Variants in CLVS1 observed in about 807,000 individuals in gnomAD.
CLVS1 encodes the protein clavesin-1.
CLVS1 carries 10 observed loss-of-function variants against 33.1 expected under a neutral mutation model. The ratio of observed to expected loss-of-function variants is 0.30; its 90% confidence interval spans 0.19 to 0.51. CLVS1 has a LOEUF of 0.51. Ranked by LOEUF, CLVS1 falls within the 20% of genes least tolerant of loss-of-function variation. CLVS1 has a pLI of 0.97. For missense variants in CLVS1, 343 were observed against 433.4 expected, an observed-to-expected ratio of 0.79 and a Z score of 1.85; for synonymous variants, 163 against 166.1, an observed-to-expected ratio of 0.98 and a Z score of 0.14.
intron 3 of CLVS1, among the ~76,000 whole-genome samples, chr8:61,451,812 C>CACAGAG (rs375319471): frequency 8.4e-5 from 12 of 142,850 alleles, no homozygotes; most frequent in African/African-American, 2.6e-4. Flanking sequence ...CACACACACA[C>CACAGAG]AGAGAGAGAG....
chr8:61,193,804 A>G (rs2931318), intron 2 of CLVS1, among the ~76,000 whole-genome samples: 32,599 of 151,856 alleles, frequency 0.21, 3,643 homozygotes, highest in Admixed American at 0.28. Context: ...AAATGCAAAA[A>G]GAAAGGAAAG....
At chr8:61,360,479 C>T (rs1812930459) in intron 2 of CLVS1, among the ~76,000 whole-genome samples, 1 of 152,082 alleles carries the variant, frequency 6.6e-6, no homozygotes, top group Admixed American at 6.5e-5. Context: ...CAAATATTAC[C>T]TTCTTCTAAG....
the CLVS1 span, among the ~76,000 whole-genome samples, chr8:60,997,436 A>C: frequency 6.6e-6 from 1 of 152,236 alleles, no homozygotes; most frequent in African/African-American, 2.4e-5. Flanking sequence ...CAGACCAGCC[A>C]ACTATATACA....
intron 5 of CLVS1, among the ~76,000 whole-genome samples, chr8:61,462,448 G>T (rs1450308121): frequency 1.3e-5 from 2 of 152,094 alleles, no homozygotes; most frequent in South Asian, 2.1e-4. Context: ...GCAATGGCAT[G>T]ATCTCATCTC....
chr8:61,300,102 G>C lies in CLVS1; in HGVS notation c.275G>C (p.Arg92Thr). 6.2e-7 allele frequency: 1 copy of C among 1,614,044 alleles called. No individual in the cohort carries two copies. The highest frequency in any genetic ancestry group is 8.5e-7 in the Non-Finnish European group (1 of 1,179,984). The change falls in exon 2 of 6, where the codon AGA (arginine) becomes ACA (threonine). Residue 92 changes from arginine to threonine, a missense_variant. Around this residue, in one of 4 missense-constraint regions of CLVS1, gnomAD observed 166 missense variants for 244.0 expected, o/e 0.68. Coordinates refer to ENST00000325897, the MANE Select transcript of CLVS1 (RefSeq NM_173519.3). ...ARKFHQADAF[R>T]LLAQYFQYRQ... The stretch of plus-strand genomic sequence containing the variant: ...AAGTTTCACCAAGCGGATGCCTTTA[G>C]ACTCCTGGCTCAGTATTTCCAGTAC...
chr8:60,976,510 A>G, the CLVS1 span, among the ~76,000 whole-genome samples: 1 of 152,142 alleles, frequency 6.6e-6, no homozygotes, highest in African/African-American at 2.4e-5. Flanking sequence ...GGTGTTTGCC[A>G]CCAGCCCTGC....
intron 1 of CLVS1, among the ~76,000 whole-genome samples, chr8:61,290,786 A>G (rs971145534): frequency 2.6e-5 from 4 of 152,248 alleles, no homozygotes; most frequent in Non-Finnish European, 4.4e-5. Context: ...AAGCTTGACT[A>G]TATGCAATCA....
chr8:61,142,955 T>C (rs1296037583), intron 2 of CLVS1, among the ~76,000 whole-genome samples: 3 of 152,224 alleles, frequency 2.0e-5, no homozygotes, highest in Non-Finnish European at 2.9e-5. Context: ...TGAAACATCC[T>C]ATTGAAGGAA....
chr8:61,119,150 C>G (rs2129289443), intron 1 of CLVS1, among the ~76,000 whole-genome samples: 1 of 152,246 alleles, frequency 6.6e-6, no homozygotes, highest in South Asian at 2.1e-4. Context: ...CTCTTTTGAT[C>G]TTTGTTGGTT....
chr8:61,105,701 C>A (rs1354105426), intron 1 of CLVS1, among the ~76,000 whole-genome samples: 1 of 152,074 alleles, frequency 6.6e-6, no homozygotes. Context: ...TCTTTTCATA[C>A]ATATTTTCTT....
chr8:61,246,830 G>A (rs1808820995), intron 2 of CLVS1, among the ~76,000 whole-genome samples: 1 of 151,730 alleles, frequency 6.6e-6, no homozygotes, highest in South Asian at 2.1e-4. Flanking sequence ...TTTAGGTTTG[G>A]GCGTACCTGT....
At chr8:61,498,071 A>G (rs1457136762) in intron 5 of CLVS1, among the ~76,000 whole-genome samples, 2 of 152,078 alleles carry the variant, frequency 1.3e-5, no homozygotes, top group Non-Finnish European at 2.9e-5. Flanking sequence ...TTCTGTGACT[A>G]AGAATGCCTT....
chr8:61,409,984 T>C (rs1815152903), intron 3 of CLVS1, among the ~76,000 whole-genome samples: 1 of 151,824 alleles, frequency 6.6e-6, no homozygotes, highest in South Asian at 2.1e-4. Context: ...TCTTAACTTA[T>C]ATTAAGGAGA....
chr8:61,155,337 C>T (rs942526429), intron 2 of CLVS1, among the ~76,000 whole-genome samples: 5 of 152,144 alleles, frequency 3.3e-5, no homozygotes, highest in Admixed American at 6.5e-5. Context: ...GAAAATGCCC[C>T]GGCTTGCCTG....
intron 3 of CLVS1, among the ~76,000 whole-genome samples, chr8:61,378,835 G>T (rs1813752778): frequency 6.6e-6 from 1 of 152,078 alleles, no homozygotes; most frequent in African/African-American, 2.4e-5. Flanking sequence ...TCTACCACTG[G>T]CTCTCCTAGC....
chr8:61,161,487 G>T (rs189131872), intron 2 of CLVS1, among the ~76,000 whole-genome samples: 2 of 152,114 alleles, frequency 1.3e-5, no homozygotes, highest in Admixed American at 1.3e-4. Context: ...AGAAAATTCC[G>T]TCATTTTTGA....
intron 2 of CLVS1, among the ~76,000 whole-genome samples, chr8:61,222,932 T>TTC (rs1808249363): frequency 3.3e-5 from 1 of 30,372 alleles, no homozygotes; most frequent in Non-Finnish European, 5.1e-5. Flanking sequence ...CTTTTTTGTC[T>TTC]TTTTTTTTTT....
chr8:61,272,195 A>C (rs1204023670), intron 2 of CLVS1, among the ~76,000 whole-genome samples: 3 of 151,886 alleles, frequency 2.0e-5, no homozygotes, highest in Middle Eastern at 3.4e-3. Flanking sequence ...CCTGGTGGTG[A>C]CAAAATCTCT....
At chr8:61,041,014 G>A in the CLVS1 span, among the ~76,000 whole-genome samples, 1 of 152,034 alleles carries the variant, frequency 6.6e-6, no homozygotes, top group African/African-American at 2.4e-5. Context: ...TTTGTATATG[G>A]TGAAAGGTAG....
Sources: allele counts gnomAD v4.1 joint callset (sites outside exome capture counted in the v4.1 genomes callset), GRCh38; gene constraint gnomAD v4.1.1; regional missense constraint gnomAD v4.1.1; transcripts MANE v1.5; gene names NCBI Gene and HGNC (gene_info 2026-07-23, HGNC 2026-07-21).